Variants in DENND1A observed in about 807,000 individuals in gnomAD.
DENND1A encodes DENN domain containing 1A.
In DENND1A, 51 loss-of-function variants were observed where a neutral mutation model predicts 113.7. The observed-to-expected ratio is 0.45, with a 90% confidence interval of 0.36 to 0.57. DENND1A has a LOEUF of 0.57. Among genes scored for constraint, DENND1A ranks in the 20% least tolerant of loss-of-function variants. The pLI is 0.00. For synonymous variants in DENND1A, 565 were observed against 570.8 expected, an observed-to-expected ratio of 0.99 and a Z score of 0.14; for missense variants, 1,258 against 1,395.9, an observed-to-expected ratio of 0.90 and a Z score of 1.57.
chr9:123,834,069 CA>C (rs1840701190), intron 2 of DENND1A, among the ~76,000 whole-genome samples: 1 of 152,018 alleles, frequency 6.6e-6, no homozygotes, highest in Non-Finnish European at 1.5e-5. Flanking sequence ...AAAACAGGCT[CA>C]AATAGAATAC....
intron 2 of DENND1A, among the ~76,000 whole-genome samples, chr9:123,858,884 A>C (rs1261491062): frequency 6.6e-6 from 1 of 152,218 alleles, no homozygotes; most frequent in African/African-American, 2.4e-5. Context: ...TGTAAGGACA[A>C]AGGGAAAATA....
intron 2 of DENND1A, among the ~76,000 whole-genome samples, chr9:123,799,660 T>C (rs573349342): frequency 6.6e-6 from 1 of 152,352 alleles, no homozygotes; most frequent in Non-Finnish European, 1.5e-5. Context: ...AGGTCTGTTA[T>C]GAGGCCAAGT....
In DENND1A at chr9:123,381,660, A is replaced by G. The variant is rs1308858175; in HGVS notation, c.2985T>C (p.Ala995=). The change falls in exon 24 of 24, where the codon GCT becomes GCC. Residue 995 remains alanine, a synonymous_variant. Transcript: ENST00000394215. The surrounding 1 kb of genome is among the most constrained non-coding windows in gnomAD (Gnocchi z 4.7). ...LPLARSSARA[A]ETKQGLALRP... Reference sequence around the variant, plus strand: ...TCAGGGCCAGCCCCTGCTTGGTCTCAGCAGCCCTGGCACTTGAGCGGGCCA... The same window carrying G: ...TCAGGGCCAGCCCCTGCTTGGTCTCGGCAGCCCTGGCACTTGAGCGGGCCA... The G allele has an allele frequency of 2.3e-5, 37 of 1,603,296 alleles. No individual in the cohort carries two copies. The highest frequency in any genetic ancestry group is 3.1e-5 in the Non-Finnish European group (36 of 1,175,220).
chr9:123,854,646 G>A (rs999247443), intron 2 of DENND1A, among the ~76,000 whole-genome samples: 4 of 150,818 alleles, frequency 2.7e-5, no homozygotes, highest in Non-Finnish European at 5.9e-5. Flanking sequence ...AGTGAGCTGA[G>A]ATCATGCCAT....
At chr9:123,674,382 AC>A (rs2063935929) in intron 6 of DENND1A, among the ~76,000 whole-genome samples, 2 of 145,516 alleles carry the variant, frequency 1.4e-5, no homozygotes, top group African/African-American at 2.8e-5. Context: ...ACACACACAC[AC>A]ACACACACAC....
At chr9:123,888,484 C>T (rs1349761397) in intron 1 of DENND1A, among the ~76,000 whole-genome samples, 2 of 152,162 alleles carry the variant, frequency 1.3e-5, no homozygotes, top group African/African-American at 4.8e-5. Flanking sequence ...AGAAGTTTGG[C>T]AAAAACCTAG....
intron 21 of DENND1A, 71 bp from the exon 22 acceptor site, chr9:123,387,929 G>C: frequency 7.9e-7 from 1 of 1,262,806 alleles, no homozygotes; most frequent in Non-Finnish European, 1.0e-6. Flanking sequence ...ACGTGCAGGC[G>C]GGAAGCAGGC....
intron 13 of DENND1A, among the ~76,000 whole-genome samples, chr9:123,514,685 G>C (rs1418312666): frequency 6.6e-6 from 1 of 152,212 alleles, no homozygotes; most frequent in Admixed American, 6.5e-5. Context: ...GACTGGAATA[G>C]GAACCATTGG....
At chr9:123,677,567 G>A (rs986075593) in intron 5 of DENND1A, among the ~76,000 whole-genome samples, 8 of 152,114 alleles carry the variant, frequency 5.3e-5, no homozygotes, top group African/African-American at 1.2e-4. Flanking sequence ...CTGAGTAGCT[G>A]GGACTACAGG....
At position 123,440,488 on chromosome 9, in the gene DENND1A, T is replaced by C. The variant is rs368539387; in HGVS notation, c.1360A>G (p.Ile454Val). The C allele has an allele frequency of 4.8e-5, 76 of 1,568,902 alleles. 1 individual carries two copies. Among genetic ancestry groups the C allele is most frequent in the Non-Finnish European group, 3.7e-5 (43 of 1,165,950 alleles). Reference protein sequence around the residue: ...EVKNRLKQKDIAENGCAPTPE... With the variant: ...EVKNRLKQKDVAENGCAPTPE... ...GTGGGGGCGCAGCCATTCTCGGCAA[T>C]GTCCTGTAGGGAGAAGGATAGTCAG... is the stretch of plus-strand genomic sequence containing the variant. Residue 454 changes from isoleucine (I) to valine (V), a missense_variant, in exon 19 of 24, where the codon ATT becomes GTT. By Grantham distance (29) the Ile-to-Val change is conservative. Around this residue, in one of 2 missense-constraint regions of DENND1A, gnomAD observed 1,159 missense variants for 1,231.7 expected, o/e 0.94. Coordinates refer to ENST00000394215, the MANE Select transcript of DENND1A (RefSeq NM_001352964.2).
chr9:123,382,571 G>A lies in DENND1A; in HGVS notation c.2074C>T (p.Leu692Phe), dbSNP rs545166170. The change falls in exon 24 of 24, where the codon CTT (leucine) becomes TTT (phenylalanine). Residue 692 changes from leucine (L) to phenylalanine (F), a missense_variant. By Grantham distance (22) the Leu-to-Phe change is conservative. Coordinates refer to ENST00000394215, the MANE Select transcript of DENND1A (RefSeq NM_001352964.2). ...RSRGVTVALK[L>F]THPYNKLWSL... ...CAGAGCTTGTTGTACGGGTGGGTAA[G>A]CTTCAAGGCCACTGTCACCCCGCGG... 2 of 1,614,112 alleles carry A rather than the reference G, an allele frequency of 1.2e-6. No homozygotes were observed. The highest frequency in any genetic ancestry group is 2.2e-5 in the East Asian group (1 of 44,860).
chr9:123,655,689 A>G (rs1229737361), intron 8 of DENND1A, among the ~76,000 whole-genome samples: 3 of 152,172 alleles, frequency 2.0e-5, no homozygotes, highest in Non-Finnish European at 4.4e-5. Context: ...GGCCAAGCAT[A>G]TTTCTCCGAT....
At chr9:123,659,573 A>C (rs1325997472) in intron 8 of DENND1A, among the ~76,000 whole-genome samples, 2 of 152,198 alleles carry the variant, frequency 1.3e-5, no homozygotes, top group Non-Finnish European at 2.9e-5. Flanking sequence ...AAAGAAACAG[A>C]CCATTGAAAG....
At chr9:123,633,331 G>A (rs2061562277) in intron 9 of DENND1A, among the ~76,000 whole-genome samples, 1 of 152,128 alleles carries the variant, frequency 6.6e-6, no homozygotes, top group South Asian at 2.1e-4. Context: ...ACACACACAC[G>A]TGCACTAGTT....
chr9:123,484,717 T>C (rs2050645075), intron 13 of DENND1A, among the ~76,000 whole-genome samples: 1 of 152,212 alleles, frequency 6.6e-6, no homozygotes, highest in Non-Finnish European at 1.5e-5. Flanking sequence ...GTTCCTTCTG[T>C]TGTTACTCAC....
intron 17 of DENND1A, among the ~76,000 whole-genome samples, chr9:123,451,055 C>CAGAG (rs1300692070): frequency 2.6e-5 from 4 of 152,132 alleles, no homozygotes; most frequent in African/African-American, 9.7e-5. Context: ...CTGGTGACAG[C>CAGAG]TACCAGTAAG....
At chr9:123,673,370 G>A (rs1468436977) in intron 6 of DENND1A, among the ~76,000 whole-genome samples, 3 of 152,190 alleles carry the variant, frequency 2.0e-5, no homozygotes, top group African/African-American at 7.2e-5. Flanking sequence ...TGCTCAAATT[G>A]TTCCAGATAT....
intron 12 of DENND1A, among the ~76,000 whole-genome samples, chr9:123,580,031 CTTGCCTATAATTATCAGCAACAA>C (rs1449563915): frequency 6.6e-6 from 1 of 152,206 alleles, no homozygotes; most frequent in Non-Finnish European, 1.5e-5. Context: ...GTCCTCCAAT[CTTGCCTATAATTATCAGCAACAA>C]TTTTATTAAA....
chr9:123,620,899 G>A (rs1294765268), intron 10 of DENND1A, among the ~76,000 whole-genome samples: 2 of 151,948 alleles, frequency 1.3e-5, no homozygotes, highest in South Asian at 2.1e-4. Flanking sequence ...GCTTGAGTTC[G>A]TTGGTGAAGT....
Sources: allele counts gnomAD v4.1 joint callset (sites outside exome capture counted in the v4.1 genomes callset), GRCh38; gene constraint gnomAD v4.1.1; regional missense constraint gnomAD v4.1.1; non-coding constraint Gnocchi (gnomAD v3.1); transcripts MANE v1.5; gene names NCBI Gene and HGNC (gene_info 2026-07-23, HGNC 2026-07-21).